GRIN2B: variants seen among roughly 807,000 people sequenced by gnomAD.
The protein encoded by GRIN2B is glutamate ionotropic receptor NMDA type subunit 2B.
Under a neutral mutation model 114.5 loss-of-function variants are expected in GRIN2B, and 5 were observed. That is an observed-to-expected ratio of 0.04 (90% confidence interval 0.02 to 0.09). The LOEUF is 0.09. Ranked by LOEUF, GRIN2B falls within the 10% of genes least tolerant of loss-of-function variation. The pLI, the probability that GRIN2B is intolerant of heterozygous loss-of-function variation, is 1.00. For missense variants in GRIN2B, 1,108 were observed against 1,943.5 expected (o/e 0.57, Z 8.08); for synonymous variants, 787 against 745.1 (o/e 1.06, Z -0.92).
intron 4 of GRIN2B, among the ~76,000 whole-genome samples, chr12:13,678,848 A>C (rs1199123340): frequency 6.6e-6 from 1 of 152,180 alleles, no homozygotes; most frequent in Non-Finnish European, 1.5e-5. Flanking sequence ...TATAAGCACT[A>C]ATATAATATA....
At chr12:13,887,762 G>C (rs1354790114) in intron 2 of GRIN2B, among the ~76,000 whole-genome samples, 2 of 152,230 alleles carry the variant, frequency 1.3e-5, no homozygotes, top group African/African-American at 4.8e-5. Context: ...ATCTCGAAAA[G>C]AAGAGAGGGA....
chr12:13,709,982 G>C (rs543614623), intron 4 of GRIN2B, among the ~76,000 whole-genome samples: 3 of 151,870 alleles, frequency 2.0e-5, no homozygotes, highest in Non-Finnish European at 4.4e-5. Flanking sequence ...AAAATGTTCA[G>C]AGCATTTTTA....
intron 2 of GRIN2B, among the ~76,000 whole-genome samples, chr12:13,888,733 C>CAA (rs1009806697): frequency 8.7e-5 from 9 of 103,302 alleles, no homozygotes; most frequent in Admixed American, 4.2e-4. Flanking sequence ...GACTCCATCT[C>CAA]AAAAAAAAAA....
intron 3 of GRIN2B, among the ~76,000 whole-genome samples, chr12:13,767,478 G>A (rs1863819469): frequency 6.6e-6 from 1 of 151,980 alleles, no homozygotes; most frequent in Admixed American, 6.5e-5. Flanking sequence ...TTTATTCTTG[G>A]CATGATGACA....
chr12:13,605,551 T>TCTCTCTCACA, intron 10 of GRIN2B, among the ~76,000 whole-genome samples: 16 of 30,406 alleles, frequency 5.3e-4, no homozygotes, highest in Non-Finnish European at 7.3e-4. Context: ...TCTCTCTCTC[T>TCTCTCTCACA]GACACACACA....
chr12:13,936,900 T>C (rs7959810), intron 2 of GRIN2B, among the ~76,000 whole-genome samples: 6,019 of 150,612 alleles, frequency 0.04, 405 homozygotes, highest in African/African-American at 0.14. Context: ...CTAACTGAAA[T>C]GAAAAAAAAA....
intron 4 of GRIN2B, among the ~76,000 whole-genome samples, chr12:13,694,200 CA>C (rs1313444631): frequency 6.6e-6 from 1 of 152,172 alleles, no homozygotes; most frequent in Non-Finnish European, 1.5e-5. Context: ...TTGAACATCA[CA>C]CAGCTCAACA....
intron 2 of GRIN2B, among the ~76,000 whole-genome samples, chr12:13,911,077 AC>A (rs1264434636): frequency 6.6e-6 from 1 of 151,822 alleles, no homozygotes; most frequent in East Asian, 1.9e-4. Flanking sequence ...CCCCCTAGAT[AC>A]CTCTACTGTC....
intron 2 of GRIN2B, among the ~76,000 whole-genome samples, chr12:13,943,792 C>T (rs562968520): frequency 2.9e-4 from 44 of 152,148 alleles, no homozygotes; most frequent in Non-Finnish European, 3.2e-4. Context: ...TGTCTAGCCC[C>T]TCACCTATAG....
intron 5 of GRIN2B, among the ~76,000 whole-genome samples, chr12:13,666,350 T>C (rs922166958): frequency 2.6e-5 from 4 of 152,150 alleles, no homozygotes; most frequent in African/African-American, 4.8e-5. Flanking sequence ...GAAGGACACC[T>C]GGCCACAGAA....
At chr12:13,638,653 T>C (rs762940488) in intron 5 of GRIN2B, among the ~76,000 whole-genome samples, 5 of 152,100 alleles carry the variant, frequency 3.3e-5, no homozygotes, top group Non-Finnish European at 5.9e-5. Context: ...GTTTGAACTC[T>C]CATTTCAAAA....
intron 10 of GRIN2B, among the ~76,000 whole-genome samples, chr12:13,592,127 G>T (rs138909780): frequency 3.6e-4 from 55 of 152,306 alleles, no homozygotes; most frequent in Non-Finnish European, 5.9e-4. Context: ...TGATTCTAGT[G>T]GAGGGTGACG....
At chr12:13,804,462 T>G (rs1864568555) in intron 3 of GRIN2B, among the ~76,000 whole-genome samples, 1 of 152,130 alleles carries the variant, frequency 6.6e-6, no homozygotes, top group Admixed American at 6.6e-5. Context: ...ATCTGTTCAA[T>G]GCAAATCCAA....
chr12:13,760,715 G>A (rs1863663794), intron 3 of GRIN2B, among the ~76,000 whole-genome samples: 1 of 152,170 alleles, frequency 6.6e-6, no homozygotes, highest in Non-Finnish European at 1.5e-5. Context: ...TTACCCAGCT[G>A]TCCTGAGAAG....
intron 3 of GRIN2B, among the ~76,000 whole-genome samples, chr12:13,810,598 C>T (rs948054909): frequency 3.3e-5 from 5 of 152,258 alleles, no homozygotes; most frequent in East Asian, 1.9e-4. Context: ...TGCCTCCCTT[C>T]GTACAGGGCC....
At chr12:13,618,608 GT>G (rs1949475285) in intron 5 of GRIN2B, among the ~76,000 whole-genome samples, 1 of 152,074 alleles carries the variant, frequency 6.6e-6, no homozygotes, top group South Asian at 2.1e-4. Context: ...ACACAATTTT[GT>G]CATATAATCC....
intron 11 of GRIN2B, 78 bp downstream of exon 11, chr12:13,571,712 AAGCATGGTATACCT>A (rs1448740433): frequency 1.5e-6 from 2 of 1,301,760 alleles, no homozygotes; most frequent in African/African-American, 2.9e-5. Flanking sequence ...TTATGATACC[AAGCATGGTATACCT>A]AGTGCATGTG....
chr12:13,963,751 G>A (rs974021017), intron 2 of GRIN2B, among the ~76,000 whole-genome samples: 3 of 152,150 alleles, frequency 2.0e-5, no homozygotes, highest in Non-Finnish European at 1.5e-5. Context: ...AGTGGCACTA[G>A]GGCTCCCATC....
chr12:13,913,931 T>A (rs1031619695), intron 2 of GRIN2B, among the ~76,000 whole-genome samples: 1 of 152,204 alleles, frequency 6.6e-6, no homozygotes, highest in Non-Finnish European at 1.5e-5. Flanking sequence ...AGTTAATTTA[T>A]GAAAAATGCT....
Sources: gnomAD v4.1 joint callset for allele counts (sites outside exome capture counted in the v4.1 genomes callset) on GRCh38, gnomAD v4.1.1 for gene constraint, MANE v1.5 for transcripts, NCBI Gene and HGNC (gene_info 2026-07-23, HGNC 2026-07-21) for gene names.